Variants in TLN2 observed in about 807,000 individuals in gnomAD.
TLN2 encodes the protein talin-2.
Under a neutral mutation model 294.7 loss-of-function variants are expected in TLN2, and 118 were observed. The ratio of observed to expected loss-of-function variants is 0.40; its 90% CI spans 0.34 to 0.47. TLN2 has a LOEUF of 0.47. TLN2 is among the 20% of genes least tolerant of loss of function. The pLI is 0.84. For missense variants in TLN2, 3,083 were observed against 3,282.2 expected (o/e 0.94, Z 1.48); for synonymous variants, 1,431 against 1,304.5 (o/e 1.10, Z -2.09).
At chr15:62,570,208 C>G (rs1486926575) in intron 1 of TLN2, among the ~76,000 whole-genome samples, 1 of 152,222 alleles carries the variant, frequency 6.6e-6, no homozygotes, top group Non-Finnish European at 1.5e-5. Context: ...ATTGGCCTTT[C>G]TGGACCACAT....
chr15:62,466,191 A>T (rs941172187), intron 1 of TLN2, among the ~76,000 whole-genome samples: 1 of 151,794 alleles, frequency 6.6e-6, no homozygotes, highest in Non-Finnish European at 1.5e-5. Context: ...GGGTTGCAAA[A>T]CCTCCGAAAC....
At chr15:62,582,219 C>CACACAT (rs2045138374) in intron 1 of TLN2, among the ~76,000 whole-genome samples, 1 of 135,312 alleles carries the variant, frequency 7.4e-6, no homozygotes, top group African/African-American at 2.7e-5. Context: ...CACACACACA[C>CACACAT]ACACACACAC....
At chr15:62,472,250 T>G (rs2037522341) in intron 1 of TLN2, among the ~76,000 whole-genome samples, 1 of 152,050 alleles carries the variant, frequency 6.6e-6, no homozygotes, top group African/African-American at 2.4e-5. Context: ...ATCTGATAGA[T>G]CTCTTTCTTC....
At chr15:62,483,280 T>A (rs1254553105) in intron 1 of TLN2, among the ~76,000 whole-genome samples, 4 of 152,184 alleles carry the variant, frequency 2.6e-5, no homozygotes, top group Non-Finnish European at 5.9e-5. Flanking sequence ...GACAGGATTA[T>A]AAAAGGCTGA....
chr15:62,780,275 G>T (rs1290722468), intron 43 of TLN2, among the ~76,000 whole-genome samples: 1 of 152,180 alleles, frequency 6.6e-6, no homozygotes, highest in Non-Finnish European at 1.5e-5. Context: ...AAGATGGGTT[G>T]CCTGTTTCTT....
At chr15:62,782,639 T>G (rs2064278831) in intron 44 of TLN2, among the ~76,000 whole-genome samples, 1 of 152,204 alleles carries the variant, frequency 6.6e-6, no homozygotes. Flanking sequence ...CCAGTGCACC[T>G]GTTGGCAGGT....
At position 62,694,433 on chromosome 15, in the gene TLN2, A is replaced by G. The variant is rs778214218; in HGVS notation, c.1292+41A>G. The G allele has an allele frequency of 3.8e-6, 6 of 1,573,786 alleles. No individual in the cohort carries two copies. In the East Asian group the frequency reaches 9.0e-5, roughly 24 times the overall value. ...AGTACTAGAGGACCACCTTCTCCCT[A>G]GATAGGTAGGTTTCCTCTTGCCAGC... On this transcript the variant is annotated intron_variant, in intron 14 of 58. Coordinates refer to ENST00000636159, the MANE Select transcript of TLN2 (RefSeq NM_015059.3).
intron 1 of TLN2, among the ~76,000 whole-genome samples, chr15:62,496,566 C>T (rs907000285): frequency 4.6e-5 from 7 of 152,250 alleles, no homozygotes; most frequent in African/African-American, 1.4e-4. Flanking sequence ...CAGATTCTAC[C>T]AGGCTTCTTG....
chr15:62,726,326 A>T (rs1252122212), intron 27 of TLN2, among the ~76,000 whole-genome samples: 1 of 152,198 alleles, frequency 6.6e-6, no homozygotes, highest in Non-Finnish European at 1.5e-5. Context: ...ACATGTTGCA[A>T]GGTTTAAAAT....
chr15:62,484,381 T>C (rs2038269744), intron 1 of TLN2, among the ~76,000 whole-genome samples: 6 of 152,146 alleles, frequency 3.9e-5, no homozygotes, highest in Admixed American at 3.9e-4. Flanking sequence ...AGGTCATTCA[T>C]TTTGTGAATT....
At position 62,558,050 on chromosome 15, in the gene TLN2, A is replaced by G. The variant is rs112689195; in HGVS notation, c.-237-31637A>G. Among the ~76,000 whole-genome samples, 347 of 152,292 alleles carry G rather than the reference A, an allele frequency of 2.3e-3. 1 individual carries two copies. Among genetic ancestry groups the G allele is most frequent in the Non-Finnish European group, 3.4e-3 (232 of 68,024 alleles). On this transcript the variant is annotated intron_variant, in intron 1 of 58. Transcript: ENST00000636159. ...CTGCTTTTATGCATCTCTGTTGCTTATTGGACTTCTAAGTGGAATTATATC... is the reference window on the plus strand; with the variant it reads ...CTGCTTTTATGCATCTCTGTTGCTTGTTGGACTTCTAAGTGGAATTATATC...
intron 1 of TLN2, among the ~76,000 whole-genome samples, chr15:62,438,634 G>A (rs2035407440): frequency 6.6e-6 from 1 of 152,178 alleles, no homozygotes; most frequent in African/African-American, 2.4e-5. Context: ...CAACATTCAT[G>A]TTTAGGTTCA....
intron 1 of TLN2, among the ~76,000 whole-genome samples, chr15:62,582,219 C>CAA (rs1555435622): frequency 2.2e-5 from 3 of 135,312 alleles, no homozygotes; most frequent in Non-Finnish European, 4.8e-5. Context: ...CACACACACA[C>CAA]ACACACACAC....
Position 62,613,942 on chromosome 15 carries a change from T to G in TLN2, c.-161-4409T>G, listed in dbSNP as rs141762540. Among the ~76,000 whole-genome samples the G allele has an allele frequency of 3.3e-3, 499 of 151,036 alleles. 4 individuals carry two copies. The highest frequency in any genetic ancestry group is 0.012 in the African/African-American group (476 of 41,086). On this transcript the variant is annotated intron_variant, in intron 2 of 58. Coordinates refer to ENST00000636159, the MANE Select transcript of TLN2 (RefSeq NM_015059.3). Reference sequence around the variant, plus strand: ...ACTAATGATAGTGACAGGAAACAGATGAGTGATTGACAGAGGAGAGTGGAA... The same window carrying G: ...ACTAATGATAGTGACAGGAAACAGAGGAGTGATTGACAGAGGAGAGTGGAA...
intron 1 of TLN2, among the ~76,000 whole-genome samples, chr15:62,436,881 C>T (rs186198246): frequency 1.1e-4 from 16 of 152,294 alleles, no homozygotes; most frequent in Non-Finnish European, 2.2e-4. Flanking sequence ...CATGCACCAT[C>T]GTGCCTGGCT....
chr15:62,722,033 G>T (rs1292893013), intron 25 of TLN2, among the ~76,000 whole-genome samples: 1 of 152,136 alleles, frequency 6.6e-6, no homozygotes, highest in African/African-American at 2.4e-5. Context: ...GCTATTCTGA[G>T]AAATACAGTG....
intron 42 of TLN2, among the ~76,000 whole-genome samples, chr15:62,773,458 A>G (rs188036414): frequency 1.3e-5 from 2 of 152,188 alleles, no homozygotes; most frequent in East Asian, 1.9e-4. Flanking sequence ...GTCTCATTCA[A>G]CCTGCTCTCT....
intron 3 of TLN2, among the ~76,000 whole-genome samples, chr15:62,639,920 CTTAAA>C (rs1225976561): frequency 1.3e-5 from 2 of 152,260 alleles, no homozygotes; most frequent in Middle Eastern, 6.8e-3. Context: ...CTGGTCCCTC[CTTAAA>C]TTAAAGATAG....
At chr15:62,680,949 T>C (rs1037701155) in intron 11 of TLN2, among the ~76,000 whole-genome samples, 1 of 152,208 alleles carries the variant, frequency 6.6e-6, no homozygotes, top group East Asian at 1.9e-4. Context: ...ATGGTGTATA[T>C]ATGCCACATT....
Sources: allele counts gnomAD v4.1 joint callset (sites outside exome capture counted in the v4.1 genomes callset), GRCh38; gene constraint gnomAD v4.1.1; transcripts MANE v1.5; gene names NCBI Gene and HGNC (gene_info 2026-07-23, HGNC 2026-07-21).